SLC4A7: variants seen among roughly 807,000 people sequenced by gnomAD.
SLC4A7 encodes the protein sodium bicarbonate cotransporter 3.
A neutral mutation model predicts 137.6 loss-of-function variants in SLC4A7; 51 were observed. That is an observed-to-expected ratio of 0.37 (90% confidence interval 0.30 to 0.47). The LOEUF is 0.47. SLC4A7 is among the 20% of genes least tolerant of loss of function. The probability of loss-of-function intolerance (pLI) is 1.00; values close to 1 mark genes in which losing one functional copy is unlikely to be tolerated. For synonymous variants in SLC4A7, 542 were observed against 518.6 expected (o/e 1.05, Z -0.61); for missense variants, 1,247 against 1,525.4 (o/e 0.82, Z 3.04).
At chr3:27,445,089 T>C (rs545008531) in intron 3 of SLC4A7, among the ~76,000 whole-genome samples, 4 of 152,324 alleles carry the variant, frequency 2.6e-5, no homozygotes, top group Admixed American at 6.5e-5. Context: ...AGTCTTTCCA[T>C]TGTGGCTGAA....
chr3:27,480,351 G>A (rs534635349), intron 1 of SLC4A7, among the ~76,000 whole-genome samples: 15 of 152,014 alleles, frequency 9.9e-5, no homozygotes, highest in East Asian at 9.7e-4. Flanking sequence ...CTCCTGCCTC[G>A]GCCTCCCAAG....
At chr3:27,434,208 C>T (rs937871168) in intron 5 of SLC4A7, 104 bp from the exon 6 acceptor site, 6 of 704,242 alleles carry the variant, frequency 8.5e-6, no homozygotes, top group South Asian at 4.7e-5. Context: ...CCTTAAATAG[C>T]TCTAGAAAGT....
At chr3:27,424,677 G>A (rs984052035) in intron 7 of SLC4A7, among the ~76,000 whole-genome samples, 1 of 152,016 alleles carries the variant, frequency 6.6e-6, no homozygotes, top group African/African-American at 2.4e-5. Context: ...ATTTTTCTTT[G>A]TTAACATTTA....
Position 27,403,365 on chromosome 3 carries a change from G to T in SLC4A7, c.2095C>A (p.Leu699Met). 6.3e-7 allele frequency: 1 copy of T among 1,589,042 alleles called. No individual in the cohort carries two copies. The highest frequency in any genetic ancestry group is 1.1e-5 in the South Asian group (1 of 87,116). The stretch of plus-strand genomic sequence containing the variant: ...AGACCAATACTGGTTCTTAAAGACA[G>T]ATAAGAAAGTTGATAATCTCTGTTT... ...KFCRDYQLSY[L>M]SLRTSIGLWT... The change falls in exon 15 of 26, where the codon CTG becomes ATG. Residue 699 changes from leucine to methionine, a missense_variant. Leu to Met is a conservative substitution (Grantham distance 15). Transcript: ENST00000454389.
chr3:27,470,304 G>A (rs897748534), intron 1 of SLC4A7, among the ~76,000 whole-genome samples: 5 of 151,066 alleles, frequency 3.3e-5, no homozygotes, highest in African/African-American at 4.9e-5. Context: ...ATAATCTGTC[G>A]GCAGTTCTTT....
At chr3:27,406,621 A>C (rs956523381) in intron 13 of SLC4A7, among the ~76,000 whole-genome samples, 1 of 152,216 alleles carries the variant, frequency 6.6e-6, no homozygotes, top group Non-Finnish European at 1.5e-5. Flanking sequence ...GAATTTATGC[A>C]GAGCTTAAGT....
intron 3 of SLC4A7, among the ~76,000 whole-genome samples, chr3:27,438,631 CAT>C (rs1422040626): frequency 5.4e-5 from 8 of 149,392 alleles, no homozygotes; most frequent in Admixed American, 2.0e-4. Context: ...AATAACATAA[CAT>C]AAAATAACAT....
chr3:27,400,081 C>T (rs2052598799), intron 16 of SLC4A7, among the ~76,000 whole-genome samples: 1 of 152,136 alleles, frequency 6.6e-6, no homozygotes, highest in African/African-American at 2.4e-5. Flanking sequence ...CTCAAGGGAT[C>T]TTAGTCTTAA....
chr3:27,458,987 T>G (rs1229304359), intron 1 of SLC4A7, among the ~76,000 whole-genome samples: 2 of 151,982 alleles, frequency 1.3e-5, no homozygotes, highest in South Asian at 2.1e-4. Flanking sequence ...AGAGCGAGAT[T>G]CCATCTAAAA....
chr3:27,456,603 T>G (rs751763081), intron 1 of SLC4A7: 1 of 1,278,930 alleles, frequency 7.8e-7, no homozygotes, highest in Non-Finnish European at 1.1e-6. Flanking sequence ...TAAACTCTGA[T>G]TCAAATTCGT....
intron 8 of SLC4A7, among the ~76,000 whole-genome samples, chr3:27,423,382 A>C (rs796409231): frequency 6.6e-6 from 1 of 152,244 alleles, no homozygotes; most frequent in Non-Finnish European, 1.5e-5. Context: ...TCAATTGTTC[A>C]TAAGAAATAC....
At chr3:27,419,767 G>C (rs182375497) in intron 10 of SLC4A7, among the ~76,000 whole-genome samples, 26 of 152,160 alleles carry the variant, frequency 1.7e-4, no homozygotes, top group African/African-American at 5.5e-4. Flanking sequence ...ACTCATAAAG[G>C]CTACTTGAAT....
Position 27,473,074 on chromosome 3 carries a change from T to C in SLC4A7, c.60+10993A>G, listed in dbSNP as rs2059318237. Among the ~76,000 whole-genome samples, 3 of 132,950 alleles carry C rather than the reference T, an allele frequency of 2.3e-5. No individual in the cohort carries two copies. The Admixed American group carries it at 2.4e-4, about 11-fold the overall frequency. 87.2% of individuals were successfully genotyped at this position (132,950 alleles called of 152,430 possible). A position where few individuals can be genotyped will look rare whatever the true frequency, so the allele number is the denominator to read the frequency against. ...CAGCCTGGGCAACAGAGGAAGACTC[T>C]GTCTCAAAAAAAAAAAAAAGGATTA... On this transcript the variant is annotated intron_variant, in intron 1 of 25. Transcript: ENST00000454389.
chr3:27,458,388 A>C (rs145970585), intron 1 of SLC4A7, among the ~76,000 whole-genome samples: 1 of 152,294 alleles, frequency 6.6e-6, no homozygotes, highest in African/African-American at 2.4e-5. Context: ...ATAAGAAATA[A>C]ATCTTTCACA....
intron 1 of SLC4A7, among the ~76,000 whole-genome samples, chr3:27,477,302 A>G (rs2059501001): frequency 6.6e-6 from 1 of 152,214 alleles, no homozygotes; most frequent in Non-Finnish European, 1.5e-5. Flanking sequence ...ACAGCAGCTA[A>G]CTTTTTAGAG....
intron 1 of SLC4A7, among the ~76,000 whole-genome samples, chr3:27,456,433 C>T (rs925264124): frequency 6.6e-6 from 1 of 152,086 alleles, no homozygotes; most frequent in Non-Finnish European, 1.5e-5. Flanking sequence ...ATTAACTATC[C>T]AAAGAGTTAG....
At chr3:27,458,771 A>T (rs1273011657) in intron 1 of SLC4A7, among the ~76,000 whole-genome samples, 2 of 152,144 alleles carry the variant, frequency 1.3e-5, no homozygotes, top group Non-Finnish European at 2.9e-5. Flanking sequence ...TGGGCAGATT[A>T]CCTGAGGTCA....
At chr3:27,378,122 T>C (rs2050074881) in intron 25 of SLC4A7, among the ~76,000 whole-genome samples, 1 of 152,212 alleles carries the variant, frequency 6.6e-6, no homozygotes, top group Non-Finnish European at 1.5e-5. Context: ...AGTTTAACTT[T>C]AAAACTTTTT....
chr3:27,401,504 G>A (rs1291419548), intron 15 of SLC4A7, among the ~76,000 whole-genome samples: 3 of 152,124 alleles, frequency 2.0e-5, no homozygotes, highest in Admixed American at 2.0e-4. Flanking sequence ...TAATAATCAT[G>A]AATGTTCCAA....
Sources: gnomAD v4.1 joint callset for allele counts (sites outside exome capture counted in the v4.1 genomes callset) on GRCh38, gnomAD v4.1.1 for gene constraint, MANE v1.5 for transcripts, NCBI Gene and HGNC (gene_info 2026-07-23, HGNC 2026-07-21) for gene names.